Variants in EPHA5 observed in about 807,000 individuals in gnomAD.
EPHA5 encodes EPH receptor A5.
EPHA5 carries 60 observed loss-of-function variants against 105.0 expected under a neutral mutation model. That is an observed-to-expected ratio of 0.57 (90% confidence interval 0.46 to 0.71). The LOEUF (loss-of-function observed/expected upper bound fraction) is 0.71. EPHA5 is among the 30% of genes least tolerant of loss of function. The pLI is 0.00. For missense variants in EPHA5, 1,218 were observed against 1,274.7 expected, an observed-to-expected ratio of 0.96 and a Z score of 0.68; for synonymous variants, 513 against 449.1, an observed-to-expected ratio of 1.14 and a Z score of -1.80.
intron 3 of EPHA5, among the ~76,000 whole-genome samples, chr4:65,564,045 A>T (rs1482717169): frequency 6.6e-6 from 1 of 151,854 alleles, no homozygotes; most frequent in Admixed American, 6.6e-5. Context: ...TGTTCAGCCA[A>T]CTTACTCTTT....
chr4:65,421,237 T>G (rs1723918255), intron 5 of EPHA5, among the ~76,000 whole-genome samples: 1 of 152,098 alleles, frequency 6.6e-6, no homozygotes, highest in Admixed American at 6.6e-5. Flanking sequence ...ATATATCTGC[T>G]CTTTCGGGTA....
chr4:65,499,831 T>C (rs1312584476), intron 3 of EPHA5, among the ~76,000 whole-genome samples: 2 of 73,698 alleles, frequency 2.7e-5, no homozygotes, highest in Non-Finnish European at 3.8e-5. Context: ...TGTATAATCT[T>C]TTTTTTTTTT....
chr4:65,413,318 C>T (rs975117615), intron 7 of EPHA5, among the ~76,000 whole-genome samples: 20 of 151,868 alleles, frequency 1.3e-4, no homozygotes, highest in African/African-American at 4.4e-4. Flanking sequence ...AGTGAAACAA[C>T]ATTTAGAAAG....
intron 3 of EPHA5, among the ~76,000 whole-genome samples, chr4:65,559,576 C>T (rs185883125): frequency 1.3e-5 from 2 of 152,250 alleles, no homozygotes; most frequent in East Asian, 3.9e-4. Context: ...GGACATTTCA[C>T]AGGGTCTTTC....
chr4:65,573,548 T>C, intron 3 of EPHA5: 2 of 1,596,200 alleles, frequency 1.3e-6, no homozygotes, highest in East Asian at 2.2e-5. Flanking sequence ...TGAAAAAGGG[T>C]AACCTCAAAG....
Position 65,357,274 on chromosome 4 carries a change from G to A in EPHA5, c.2174-4171C>T, listed in dbSNP as rs536546821. Reference sequence around the variant, plus strand: ...CTCAGAAAGGTTCAATATATTACTCGGGTTGTCTGGAGCAAGTTATATAAG... The same window carrying A: ...CTCAGAAAGGTTCAATATATTACTCAGGTTGTCTGGAGCAAGTTATATAAG... On this transcript the variant is annotated intron_variant, in intron 11 of 16. Transcript: ENST00000613740. Among the ~76,000 whole-genome samples the A allele has an allele frequency of 4.4e-4, 66 of 151,392 alleles. 1 individual carries two copies. The South Asian group carries it at 9.6e-3, about 22-fold the overall frequency.
At position 65,404,462 on chromosome 4, in the gene EPHA5, C is replaced by CACAGCAATTACAGGAATCTG; in HGVS notation, c.1704_1705insCAGATTCCTGTAATTGCTGT (p.Asp569GlnfsTer14). ...GCAATTACAGGAATCTGGCTTTGAT[C>CACAGCAATTACAGGAATCTG]GCTGGATGCTGCAACTGCTGATAGG... On this transcript the variant is annotated frameshift_variant, in exon 8 of 17. Coordinates refer to ENST00000613740, the MANE Select transcript of EPHA5 (RefSeq NM_001281766.3). LOFTEE classifies it high-confidence loss of function. The CACAGCAATTACAGGAATCTG allele has an allele frequency of 6.2e-7, 1 of 1,613,652 alleles. No individual in the cohort carries two copies. Among genetic ancestry groups the CACAGCAATTACAGGAATCTG allele is most frequent in the Non-Finnish European group, 8.5e-7 (1 of 1,179,734 alleles).
chr4:65,652,583 T>C (rs1748702760), intron 1 of EPHA5, among the ~76,000 whole-genome samples: 1 of 152,142 alleles, frequency 6.6e-6, no homozygotes, highest in South Asian at 2.1e-4. Context: ...CTCTTTCTCT[T>C]GTATCTATAT....
At chr4:65,566,366 A>C (rs1247482130) in intron 3 of EPHA5, among the ~76,000 whole-genome samples, 1 of 151,756 alleles carries the variant, frequency 6.6e-6, no homozygotes, top group Non-Finnish European at 1.5e-5. Flanking sequence ...GCATCACACA[A>C]ATTGACACCT....
chr4:65,574,229 A>C (rs1740553813), intron 3 of EPHA5: 3 of 1,602,020 alleles, frequency 1.9e-6, no homozygotes, highest in East Asian at 2.2e-5. Context: ...TGGACTCACA[A>C]ATTTTATCAA....
At chr4:65,385,027 T>C (rs1440118156) in intron 8 of EPHA5, among the ~76,000 whole-genome samples, 1 of 151,742 alleles carries the variant, frequency 6.6e-6, no homozygotes, top group Non-Finnish European at 1.5e-5. Context: ...AACCTATTTG[T>C]GCTCAGCTAT....
chr4:65,361,317 T>A (rs1717292732), intron 11 of EPHA5, among the ~76,000 whole-genome samples: 1 of 151,648 alleles, frequency 6.6e-6, no homozygotes, highest in Non-Finnish European at 1.5e-5. Flanking sequence ...ACATTTTAGG[T>A]CTGAGTGAAG....
rs142423048 is a variant in EPHA5 at position 65,500,959 on chromosome 4, G to A, written c.911-5416C>T. 6.1e-3 allele frequency among the ~76,000 whole-genome samples: 926 copies of A among 151,104 alleles called. 4 individuals are homozygous for A. The highest frequency in any genetic ancestry group is 9.8e-3 in the Non-Finnish European group (659 of 67,376). ...TGGCCTTATCTAAGTATGTTTTATT[G>A]AGAAAGAAAATCACTATGAACAAGA... On this transcript the variant is annotated intron_variant, in intron 3 of 16. Coordinates refer to ENST00000613740, the MANE Select transcript of EPHA5 (RefSeq NM_001281766.3).
intron 3 of EPHA5, among the ~76,000 whole-genome samples, chr4:65,528,645 G>A (rs930047547): frequency 8.5e-5 from 13 of 152,168 alleles, no homozygotes; most frequent in African/African-American, 2.9e-4. Flanking sequence ...AATAGGTAGA[G>A]TTGAGATTAC....
intron 3 of EPHA5, among the ~76,000 whole-genome samples, chr4:65,548,554 T>C (rs773810443): frequency 6.6e-6 from 1 of 152,052 alleles, no homozygotes; most frequent in Non-Finnish European, 1.5e-5. Flanking sequence ...TGATGAAAGA[T>C]GTGAAACCAC....
intron 14 of EPHA5, among the ~76,000 whole-genome samples, chr4:65,343,812 T>C (rs1038928371): frequency 6.6e-6 from 1 of 151,830 alleles, no homozygotes; most frequent in Non-Finnish European, 1.5e-5. Context: ...TCTGTAAACC[T>C]CATTTAAATT....
intron 3 of EPHA5, among the ~76,000 whole-genome samples, chr4:65,537,029 G>A (rs1298561856): frequency 2.0e-5 from 3 of 151,728 alleles, no homozygotes; most frequent in African/African-American, 7.2e-5. Flanking sequence ...CTATGACTTA[G>A]AGGGACAAAT....
intron 5 of EPHA5, among the ~76,000 whole-genome samples, chr4:65,474,831 G>A (rs1012200008): frequency 1.3e-5 from 2 of 152,110 alleles, no homozygotes; most frequent in Non-Finnish European, 2.9e-5. Flanking sequence ...TTCATTTTAT[G>A]TTAATATATC....
intron 3 of EPHA5, among the ~76,000 whole-genome samples, chr4:65,497,055 G>T (rs1224885799): frequency 2.0e-5 from 3 of 152,000 alleles, no homozygotes; most frequent in Admixed American, 2.0e-4. Context: ...GCTCAGTATG[G>T]GTCAGTCGAA....
Sources: allele counts gnomAD v4.1 joint callset (sites outside exome capture counted in the v4.1 genomes callset), GRCh38; gene constraint gnomAD v4.1.1; transcripts MANE v1.5; gene names NCBI Gene and HGNC (gene_info 2026-07-23, HGNC 2026-07-21).